ATG4B: variants seen among roughly 807,000 people sequenced by gnomAD.
ATG4B encodes the protein autophagy related 4B cysteine peptidase, also known as cysteine protease ATG4B.
A neutral mutation model predicts 56.6 loss-of-function variants in ATG4B; 29 were observed. The ratio of observed to expected loss-of-function variants is 0.51; its 90% CI spans 0.38 to 0.70. The LOEUF (loss-of-function observed/expected upper bound fraction) is 0.70, where lower values mean the gene tolerates loss of function less well. Among genes scored for constraint, ATG4B ranks in the 30% least tolerant of loss-of-function variants. The pLI, the probability that ATG4B is intolerant of heterozygous loss-of-function variation, is 0.00. For missense variants in ATG4B, 461 were observed against 515.5 expected (o/e 0.89, Z 1.02); for synonymous variants, 224 against 206.1 (o/e 1.09, Z -0.74).
At chr2:241,655,654 C>T (rs1405360323) in intron 6 of ATG4B, among the ~76,000 whole-genome samples, 1 of 152,122 alleles carries the variant, frequency 6.6e-6, no homozygotes, top group Non-Finnish European at 1.5e-5. Context: ...GCCATCTGTG[C>T]GGGTGCCGGG....
intron 8 of ATG4B, among the ~76,000 whole-genome samples, chr2:241,667,439 A>C (rs1007842160): frequency 4.0e-5 from 6 of 151,856 alleles, no homozygotes; most frequent in Admixed American, 6.6e-5. Flanking sequence ...CCCTGTCTCT[A>C]CTAAAAATAT....
intron 4 of ATG4B, 51 bp from the exon 5 acceptor site, chr2:241,654,495 C>G: frequency 1.6e-6 from 2 of 1,231,108 alleles, no homozygotes; most frequent in Non-Finnish European, 1.1e-6. Context: ...AAAGTGAAAA[C>G]TTGTTTCTCA....
Position 241,662,794 on chromosome 2 carries a change from G to A in ATG4B, c.538+3607G>A, listed in dbSNP as rs191027255. On this transcript the variant is annotated intron_variant, in intron 7 of 12. Coordinates refer to ENST00000404914, the MANE Select transcript of ATG4B (RefSeq NM_013325.5). ...ATCCCAACTTCAAAATCAATAAAGC[G>A]GGCCGGGCGCGGTGGCTCACGCCTA... Among the ~76,000 whole-genome samples the A allele has an allele frequency of 1.5e-3, 223 of 151,524 alleles. 1 individual carries two copies. The highest frequency in any genetic ancestry group is 4.9e-3 in the African/African-American group (203 of 41,166).
intron 5 of ATG4B, 56 bp from the exon 6 acceptor site, chr2:241,655,215 C>T: frequency 1.3e-6 from 2 of 1,554,440 alleles, no homozygotes; most frequent in South Asian, 1.2e-5. Flanking sequence ...CACGTGCCAC[C>T]AGAGGTCAGG....
At chr2:241,660,646 C>T (rs909381392) in intron 7 of ATG4B, among the ~76,000 whole-genome samples, 4 of 152,200 alleles carry the variant, frequency 2.6e-5, no homozygotes, top group Non-Finnish European at 2.9e-5. Context: ...AGAAATAACT[C>T]ATATGAGCAT....
At chr2:241,650,936 T>C in intron 1 of ATG4B, 74 bp from the exon 2 acceptor site, 1 of 1,244,700 alleles carries the variant, frequency 8.0e-7, no homozygotes, top group South Asian at 1.3e-5. Flanking sequence ...ACAGAAATGC[T>C]GTAAATGGCC....
intron 7 of ATG4B, 154 bp from the exon 8 acceptor site, chr2:241,666,491 T>A: frequency 1.3e-6 from 1 of 792,974 alleles, no homozygotes; most frequent in Non-Finnish European, 2.0e-6. Flanking sequence ...AAAATTTTCT[T>A]ACGCTTTTCT....
rs2068834804 is a variant in ATG4B at position 241,668,060 on chromosome 2, G to T, written c.733-83G>T. On this transcript the variant is annotated intron_variant, in intron 8 of 12. Transcript: ENST00000404914. The surrounding 1 kb of genome is among the most constrained non-coding windows in gnomAD (Gnocchi z 4.2). Reference sequence around the variant, plus strand: ...GTGTCACCCAGTTGGGCCTCAGCAGGCCCTTGGGCCCCCTATGGCAGTGGG... The same window carrying T: ...GTGTCACCCAGTTGGGCCTCAGCAGTCCCTTGGGCCCCCTATGGCAGTGGG... The T allele has an allele frequency of 7.1e-7, 1 of 1,408,358 alleles. No individual in the cohort carries two copies. 87.2% of individuals were successfully genotyped at this position (1,408,358 alleles called of 1,614,324 possible).
chr2:241,640,398 C>T (rs62193473), intron 1 of ATG4B, among the ~76,000 whole-genome samples: 22,128 of 152,218 alleles, frequency 0.15, 1,788 homozygotes, highest in Middle Eastern at 0.28. Flanking sequence ...GATCTGCCCT[C>T]CTTTGATCTC....
chr2:241,659,932 C>T (rs951767578), intron 7 of ATG4B, among the ~76,000 whole-genome samples: 2 of 152,200 alleles, frequency 1.3e-5, no homozygotes, highest in Non-Finnish European at 2.9e-5. Flanking sequence ...TGGCTCATGC[C>T]TGTAATCCCA....
intron 10 of ATG4B, among the ~76,000 whole-genome samples, chr2:241,669,414 G>A (rs112128986): frequency 0.025 from 3,835 of 152,262 alleles, 199 homozygotes; most frequent in East Asian, 0.17. Context: ...GAGCTGTGGC[G>A]CAGCCCCAGA....
At chr2:241,661,114 C>T (rs1220402133) in intron 7 of ATG4B, among the ~76,000 whole-genome samples, 1 of 152,164 alleles carries the variant, frequency 6.6e-6, no homozygotes, top group African/African-American at 2.4e-5. Context: ...GGAGTCAGGT[C>T]CTGGAAGAGC....
At chr2:241,648,089 G>A (rs772813280) in intron 1 of ATG4B, among the ~76,000 whole-genome samples, 20 of 152,102 alleles carry the variant, frequency 1.3e-4, no homozygotes, top group Non-Finnish European at 2.6e-4. Context: ...ACTTCAGCCT[G>A]GGCAACAGAG....
intron 1 of ATG4B, among the ~76,000 whole-genome samples, chr2:241,645,361 C>G (rs193298108): frequency 6.6e-6 from 1 of 152,224 alleles, no homozygotes. Context: ...GAGGAAAGGA[C>G]GTTATGTTGG....
chr2:241,670,572 G>A (rs34509415), intron 10 of ATG4B, 154 bp from the exon 11 acceptor site: 143,048 of 733,916 alleles, frequency 0.19, 14,830 homozygotes, highest in Non-Finnish European at 0.22. Flanking sequence ...TCGGAGCTCC[G>A]TTCCTGGCCA....
chr2:241,639,396 G>C (rs2125108445), intron 1 of ATG4B, among the ~76,000 whole-genome samples: 1 of 152,330 alleles, frequency 6.6e-6, no homozygotes, highest in South Asian at 2.1e-4. Context: ...ATAGCTCTGG[G>C]GCTGGCTCCG....
intron 7 of ATG4B, chr2:241,659,550 C>A (rs1237867914): frequency 5.6e-6 from 2 of 359,248 alleles, no homozygotes; most frequent in African/African-American, 4.3e-5. Flanking sequence ...ATGTAGCAAC[C>A]ATCTCTAGCT....
rs959023677 is a variant in ATG4B, at chr2:241,668,887, G to C, written c.957+202G>C. On this transcript the variant is annotated intron_variant, in intron 10 of 12. Coordinates refer to ENST00000404914, the MANE Select transcript of ATG4B (RefSeq NM_013325.5). This position sits in a 1 kb window ranked among gnomAD's most constrained non-coding sequence, Gnocchi z 4.2. ...GTCCCTCCCCCAGGCACCACCTCCT[G>C]TGCAGCCTTCATGGCCTTCGAGTGG... The C allele has an allele frequency of 4.8e-5, 34 of 715,784 alleles. No homozygotes were observed. The highest frequency in any genetic ancestry group is 7.2e-5 in the Non-Finnish European group (32 of 443,484). 44.3% of individuals were successfully genotyped at this position (715,784 alleles called of 1,614,324 possible).
In ATG4B at chr2:241,654,592, C is replaced by G. The variant is rs375063936; in HGVS notation, c.330C>G (p.Ser110Arg). Residue 110 changes from serine (S) to arginine (R), a missense_variant, in exon 5 of 13, where the codon AGC becomes AGG. Physicochemically the swap from Ser to Arg is moderately radical, Grantham distance 110. Coordinates refer to ENST00000404914, the MANE Select transcript of ATG4B (RefSeq NM_013325.5). ...AGAGGCAGCCAGACAGCTACTTCAG[C>G]GTCCTCAACGCATTCATCGACAGGA... ...QRKRQPDSYF[S>R]VLNAFIDRKD... is the part of the protein sequence containing the mutation. The G allele has an allele frequency of 2.6e-5, 42 of 1,603,112 alleles. No individual in the cohort carries two copies. In the African/African-American group the frequency reaches 4.4e-4, roughly 17 times the overall value.
Sources: gnomAD v4.1 joint callset for allele counts (sites outside exome capture counted in the v4.1 genomes callset) on GRCh38, gnomAD v4.1.1 for gene constraint, Gnocchi (gnomAD v3.1) non-coding constraint, MANE v1.5 for transcripts, NCBI Gene and HGNC (gene_info 2026-07-23, HGNC 2026-07-21) for gene names.